Variants in TYK2 observed in about 807,000 individuals in gnomAD.
The protein encoded by TYK2 is non-receptor tyrosine-protein kinase TYK2.
In TYK2, 65 loss-of-function variants were observed where a neutral mutation model predicts 130.9. The ratio of observed to expected loss-of-function variants is 0.50; its 90% CI spans 0.41 to 0.61. The LOEUF is 0.61. Among genes scored for constraint, TYK2 ranks in the 20% least tolerant of loss-of-function variants. TYK2 has a pLI of 0.00. For synonymous variants in TYK2, 647 were observed against 658.9 expected, an observed-to-expected ratio of 0.98 and a Z score of 0.28; for missense variants, 1,378 against 1,610.7, an observed-to-expected ratio of 0.86 and a Z score of 2.47.
Position 10,361,233 on chromosome 19 carries a change from T to G in TYK2, c.2047+278A>C. 1.7e-6 allele frequency: 1 copy of G among 584,586 alleles called. No individual in the cohort carries two copies. Among genetic ancestry groups the G allele is most frequent in the Non-Finnish European group, 3.1e-6 (1 of 320,574 alleles). The allele number at this position is 584,586 out of a possible 1,614,324, so 36.2% of individuals were successfully genotyped here. The stretch of plus-strand genomic sequence containing the variant: ...TGGACTGTAGAGGTTGTTTGGGAGG[T>G]TGATGGAAGTGGGGATGTAGTTGGG... On this transcript the variant is annotated intron_variant, in intron 14 of 24. Transcript: ENST00000525621. The surrounding 1 kb of genome is among the most constrained non-coding windows in gnomAD (Gnocchi z 4.0).
intron 22 of TYK2, 115 bp downstream of exon 22, chr19:10,352,811 C>A: frequency 7.3e-7 from 1 of 1,365,312 alleles, no homozygotes; most frequent in Admixed American, 2.2e-5. Flanking sequence ...CACCGCTAGG[C>A]CCCGCCGCGC....
chr19:10,368,741 G>A (rs564560708), intron 3 of TYK2: 1 of 371,586 alleles, frequency 2.7e-6, no homozygotes, highest in South Asian at 2.3e-5. Context: ...TATGATGAAG[G>A]CTTCTTGTGA....
intron 3 of TYK2, among the ~76,000 whole-genome samples, chr19:10,374,730 A>G (rs2042051823): frequency 6.7e-6 from 1 of 150,320 alleles, no homozygotes; most frequent in Admixed American, 6.7e-5. Context: ...TAAAAATACA[A>G]AAATTAGCTG....
chr19:10,375,779 T>C (rs982214601), intron 3 of TYK2, among the ~76,000 whole-genome samples: 1 of 139,728 alleles, frequency 7.2e-6, no homozygotes, highest in Non-Finnish European at 1.5e-5. Context: ...AAAAAAAATC[T>C]AGCCGGGCAT....
chr19:10,358,476 G>A (rs941672955), intron 15 of TYK2, among the ~76,000 whole-genome samples: 1 of 151,466 alleles, frequency 6.6e-6, no homozygotes, highest in Non-Finnish European at 1.5e-5. Context: ...GTGGAGATGG[G>A]GTCTAGCTAT....
rs764538190 is a variant in TYK2, at chr19:10,352,523, T to G, written c.3229A>C (p.Lys1077Gln). The G allele has an allele frequency of 7.0e-6, 11 of 1,582,162 alleles. No individual in the cohort carries two copies. The South Asian group carries it at 1.3e-4, about 18-fold the overall frequency. Residue 1077 changes from lysine (K) to glutamine (Q), a missense_variant, in exon 23 of 25, where the codon AAG (lysine) becomes CAG (glutamine). Transcript: ENST00000525621. ...CAGACATCTGACGCATAGTAGAACT[T>G]ATACTCCTTCAGGCACTCTGGGGCA... Reference protein sequence around the residue: ...WYAPECLKEYKFYYASDVWSF... With the variant: ...WYAPECLKEYQFYYASDVWSF...
Position 10,358,078 on chromosome 19 carries a change from C to G in TYK2, c.2236G>C (p.Gly746Arg). ...CGRNILLARLGLAEGTSPFIK... is the reference protein window; with the variant it reads ...CGRNILLARLRLAEGTSPFIK... ...AAGGGGCTGGTGCCCTCTGCCAACCCCAGCCGGGCCAGCAGGATGTTCCGG... is the reference window on the plus strand; with the variant it reads ...AAGGGGCTGGTGCCCTCTGCCAACCGCAGCCGGGCCAGCAGGATGTTCCGG... The change falls in exon 16 of 25, where the codon GGG becomes CGG. Residue 746 changes from glycine to arginine, a missense_variant. Coordinates refer to ENST00000525621, the MANE Select transcript of TYK2 (RefSeq NM_003331.5). 6.2e-7 allele frequency: 1 copy of G among 1,612,920 alleles called. No homozygotes were observed. Among genetic ancestry groups the G allele is most frequent in the Non-Finnish European group, 8.5e-7 (1 of 1,179,798 alleles).
chr19:10,378,738 T>C (rs768367329), intron 2 of TYK2, among the ~76,000 whole-genome samples: 32 of 152,198 alleles, frequency 2.1e-4, no homozygotes, highest in Non-Finnish European at 3.4e-4. Flanking sequence ...CCCAGGACTT[T>C]GGGATGTTGA....
At chr19:10,356,900 G>T (rs2041131306) in intron 17 of TYK2, 182 bp from the exon 18 acceptor site, 4 of 656,882 alleles carry the variant, frequency 6.1e-6, no homozygotes, top group Non-Finnish European at 8.1e-6. Flanking sequence ...GTAGAACCAG[G>T]ACTGGGACCC....
At chr19:10,357,437 G>T in intron 17 of TYK2, 1 of 689,896 alleles carries the variant, frequency 1.4e-6, no homozygotes, top group South Asian at 1.5e-5. Context: ...AGCCTTGTCT[G>T]ACCCCACTGC....
chr19:10,354,447 A>G, intron 19 of TYK2, 65 bp downstream of exon 19: 2 of 1,512,206 alleles, frequency 1.3e-6, no homozygotes, highest in Non-Finnish European at 9.2e-7. Flanking sequence ...GTAGGAATTT[A>G]TCCTCAACCC....
rs572844557 is a variant in TYK2 at position 10,364,547 on chromosome 19, C to T, written c.1367+67G>A. ...CACCTACACACACACCCTGCACAGC[C>T]CCTAGGGCTCACAGTCTAGTTGGCA... On this transcript the variant is annotated intron_variant, in intron 9 of 24. Transcript: ENST00000525621. This position sits in a 1 kb window ranked among gnomAD's most constrained non-coding sequence, Gnocchi z 4.9. 6.3e-5 allele frequency: 100 copies of T among 1,575,240 alleles called. No individual in the cohort carries two copies. In the East Asian group the frequency reaches 2.2e-3, roughly 35 times the overall value.
At position 10,365,655 on chromosome 19, in the gene TYK2, G is replaced by C; in HGVS notation, c.873C>G (p.Cys291Trp). 1 of 1,613,614 alleles carries C rather than the reference G, an allele frequency of 6.2e-7. No homozygotes were observed. Among genetic ancestry groups the C allele is most frequent in the Non-Finnish European group, 8.5e-7 (1 of 1,179,830 alleles). ...GGGCCACCCCACTGTCCCGGATGTA[G>C]CAGGGCTCCCCCTCGGCCTGGGCCA... ...RLLAQAEGEPCYIRDSGVAPT... is the reference protein window; with the variant it reads ...RLLAQAEGEPWYIRDSGVAPT... The change falls in exon 7 of 25, where the codon TGC (cysteine) becomes TGG (tryptophan). Residue 291 changes from cysteine (C) to tryptophan (W), a missense_variant. Physicochemically the swap from Cys to Trp is radical, Grantham distance 215. Coordinates refer to ENST00000525621, the MANE Select transcript of TYK2 (RefSeq NM_003331.5).
intron 7 of TYK2, 27 bp downstream of exon 7, chr19:10,365,490 C>A: frequency 6.2e-7 from 1 of 1,612,876 alleles, no homozygotes. Context: ...ACCTGAACCC[C>A]CAGGGCGGAA....
At chr19:10,376,420 G>A (rs1254536511) in intron 3 of TYK2, among the ~76,000 whole-genome samples, 2 of 132,412 alleles carry the variant, frequency 1.5e-5, no homozygotes, top group African/African-American at 6.2e-5. Flanking sequence ...CTATTCTCCT[G>A]CCTCAGCCTT....
chr19:10,357,899 G>A lies in TYK2; in HGVS notation c.2331C>T (p.Pro777=). The A allele has an allele frequency of 1.2e-6, 2 of 1,613,578 alleles. No individual in the cohort carries two copies. Among genetic ancestry groups the A allele is most frequent in the African/African-American group, 1.3e-5 (1 of 75,062 alleles). The change falls in exon 17 of 25, where the codon CCC becomes CCT. Residue 777 remains proline, a synonymous_variant. Transcript: ENST00000525621. ...CTGGTAGGCATTCGGGGGCCAGCCAGGGGATCCTCTCCACCCGCTCTGGGA... is the reference window on the plus strand; with the variant it reads ...CTGGTAGGCATTCGGGGGCCAGCCAAGGGATCCTCTCCACCCGCTCTGGGA... The part of the protein sequence containing the change: ...LSREERVERI[P]WLAPECLPGG...
At chr19:10,365,424 T>G in intron 7 of TYK2, 93 bp downstream of exon 7, 3 of 1,585,808 alleles carry the variant, frequency 1.9e-6, no homozygotes, top group Non-Finnish European at 2.6e-6. Flanking sequence ...AGGGCTCAGG[T>G]CAGCCACCCT....
rs1220172517 is a variant in TYK2 at position 10,357,772 on chromosome 19, G to A, written c.2458C>T (p.Pro820Ser). The A allele has an allele frequency of 6.2e-7, 1 of 1,610,200 alleles. No individual in the cohort carries two copies. The highest frequency in any genetic ancestry group is 8.5e-7 in the Non-Finnish European group (1 of 1,178,494). Residue 820 changes from proline to serine, a missense_variant, in exon 17 of 25, where the codon CCC becomes TCC. Physicochemically the swap from Pro to Ser is moderately conservative, Grantham distance 74. Transcript: ENST00000525621. ...DGEAPLQSRSPSEKEHFYQRQ... is the reference protein window; with the variant it reads ...DGEAPLQSRSSSEKEHFYQRQ... ...GGGTCTCCTAGACATACCTCGGAGG[G>A]ACTGCGGCTCTGCAGAGGGGCCTCT...
chr19:10,367,879 C>T lies in TYK2; in HGVS notation c.465+176G>A, dbSNP rs191957598. ...AGCTTGCAGTGAGCCGAGATCACAT[C>T]ACTGCACTTCAGCCTGGGCGACAGA... On this transcript the variant is annotated intron_variant, in intron 5 of 24. Transcript: ENST00000525621. Among the ~76,000 whole-genome samples the T allele has an allele frequency of 1.9e-4, 29 of 151,418 alleles. No homozygotes were observed. The East Asian group carries it at 5.4e-3, about 28-fold the overall frequency.
Sources: gnomAD v4.1 joint callset for allele counts (sites outside exome capture counted in the v4.1 genomes callset) on GRCh38, gnomAD v4.1.1 for gene constraint, Gnocchi (gnomAD v3.1) non-coding constraint, MANE v1.5 for transcripts, NCBI Gene and HGNC (gene_info 2026-07-23, HGNC 2026-07-21) for gene names.